ANKRD44: variants seen among roughly 807,000 people sequenced by gnomAD.
The protein encoded by ANKRD44 is serine/threonine-protein phosphatase 6 regulatory ankyrin repeat subunit B.
A neutral mutation model predicts 116.0 loss-of-function variants in ANKRD44; 35 were observed. That is an observed-to-expected ratio of 0.30 (90% CI 0.23 to 0.40). ANKRD44 has a LOEUF of 0.40. Ranked by LOEUF, ANKRD44 falls within the 10% of genes least tolerant of loss-of-function variation. The pLI, the probability that ANKRD44 is intolerant of heterozygous loss-of-function variation, is 1.00. For synonymous variants in ANKRD44, 435 were observed against 461.8 expected (o/e 0.94, Z 0.74); for missense variants, 1,014 against 1,242.6 (o/e 0.82, Z 2.77).
intron 23 of ANKRD44, among the ~76,000 whole-genome samples, chr2:196,999,459 T>C (rs1033537001): frequency 6.6e-6 from 1 of 152,208 alleles, no homozygotes; most frequent in Non-Finnish European, 1.5e-5. Flanking sequence ...TTTTAGAGGA[T>C]AATTTGGCAT....
At chr2:197,132,037 A>G (rs2079109217) in intron 4 of ANKRD44, among the ~76,000 whole-genome samples, 1 of 152,252 alleles carries the variant, frequency 6.6e-6, no homozygotes, top group South Asian at 2.1e-4. Context: ...AGCTGGCACT[A>G]TAAAAGATGT....
intron 3 of ANKRD44, among the ~76,000 whole-genome samples, chr2:197,138,297 G>C (rs2079268563): frequency 6.6e-6 from 1 of 152,134 alleles, no homozygotes; most frequent in Admixed American, 6.5e-5. Flanking sequence ...CATGATCTTT[G>C]CCCTACAAAG....
intron 1 of ANKRD44, among the ~76,000 whole-genome samples, chr2:197,246,855 C>T (rs540737202): frequency 1.3e-5 from 2 of 152,220 alleles, no homozygotes; most frequent in African/African-American, 4.8e-5. Context: ...GGCAACTTAT[C>T]CAAGATGACA....
chr2:197,004,528 G>A (rs1436757823), intron 21 of ANKRD44, among the ~76,000 whole-genome samples: 1 of 152,118 alleles, frequency 6.6e-6, no homozygotes, highest in Non-Finnish European at 1.5e-5. Context: ...CAAATAGCCA[G>A]GGTACTATTA....
rs144886365 is a variant in ANKRD44 at position 197,187,336 on chromosome 2, CTGAACTA to C, written c.28-237_28-231del. Among the ~76,000 whole-genome samples the C allele has an allele frequency of 1.4e-4, 21 of 152,264 alleles. No homozygotes were observed. In the East Asian group the frequency reaches 4.1e-3, roughly 29 times the overall value. ...AAAGCCAGGCCAGATAGTCTCTAACCTGAACTATGAACTACAGTGAATGTACCATGAA... is the reference window on the plus strand; with the variant it reads ...AAAGCCAGGCCAGATAGTCTCTAACCTGAACTACAGTGAATGTACCATGAA... On this transcript the variant is annotated intron_variant, in intron 1 of 27. Coordinates refer to ENST00000282272, the MANE Select transcript of ANKRD44 (RefSeq NM_001195144.2).
At chr2:197,077,799 C>G (rs544667936) in intron 16 of ANKRD44, 16 of 152,220 alleles carry the variant, frequency 1.1e-4, no homozygotes, top group African/African-American at 3.4e-4. Context: ...CAATTAACAC[C>G]TCCTCCTAAC....
At chr2:197,078,125 A>G (rs571471249) in intron 16 of ANKRD44, 17 of 156,024 alleles carry the variant, frequency 1.1e-4, no homozygotes, top group African/African-American at 4.1e-4. Flanking sequence ...CATTATTAAG[A>G]CTATAATAAC....
intron 16 of ANKRD44, among the ~76,000 whole-genome samples, chr2:197,026,705 C>T (rs1417609525): frequency 6.6e-6 from 1 of 152,108 alleles, no homozygotes; most frequent in Non-Finnish European, 1.5e-5. Flanking sequence ...AGAGGAGTTA[C>T]ATGATCTGTT....
In ANKRD44 at chr2:197,036,609, C is replaced by T. The variant is rs566052470; in HGVS notation, c.1651-11342G>A. Among the ~76,000 whole-genome samples, 43 of 152,216 alleles carry T rather than the reference C, an allele frequency of 2.8e-4. No individual in the cohort carries two copies. In the South Asian group the frequency reaches 6.4e-3, roughly 23 times the overall value. On this transcript the variant is annotated intron_variant, in intron 16 of 27. Coordinates refer to ENST00000282272, the MANE Select transcript of ANKRD44 (RefSeq NM_001195144.2). ...TGAAAGCTTAGCTACATTAAGTTTC[C>T]GTTTCTTCTTGGGAGCAGATTTTGA...
intron 2 of ANKRD44, among the ~76,000 whole-genome samples, chr2:197,161,777 T>C (rs139638237): frequency 3.9e-5 from 6 of 152,336 alleles, no homozygotes; most frequent in Admixed American, 6.5e-5. Context: ...ATTTTTTCCA[T>C]TGAATTATAA....
chr2:197,248,544 ATATATG>A (rs1172131659), intron 1 of ANKRD44, among the ~76,000 whole-genome samples: 2 of 126,874 alleles, frequency 1.6e-5, no homozygotes, highest in African/African-American at 6.0e-5. Flanking sequence ...TATATTATAC[ATATATG>A]TATATGTGTG....
At chr2:197,072,328 C>T (rs2077578812) in intron 16 of ANKRD44, among the ~76,000 whole-genome samples, 1 of 148,870 alleles carries the variant, frequency 6.7e-6, no homozygotes, top group South Asian at 2.1e-4. Flanking sequence ...AATGTGTGCA[C>T]ATATGTGTAT....
chr2:197,269,907 TG>T (rs1188347839), intron 1 of ANKRD44, among the ~76,000 whole-genome samples: 8 of 151,836 alleles, frequency 5.3e-5, no homozygotes, highest in Admixed American at 1.3e-4. Flanking sequence ...CAAAGGGAGG[TG>T]CAAAGGGCAG....
At chr2:197,302,940 T>A (rs541924874) in intron 1 of ANKRD44, among the ~76,000 whole-genome samples, 1 of 152,198 alleles carries the variant, frequency 6.6e-6, no homozygotes, top group Non-Finnish European at 1.5e-5. Context: ...AAGGCTAAGG[T>A]GGGCCCCAGC....
chr2:196,971,381 G>C (rs757726871), intron 21 of ANKRD44, among the ~76,000 whole-genome samples: 39 of 151,854 alleles, frequency 2.6e-4, no homozygotes, highest in Non-Finnish European at 5.4e-4. Flanking sequence ...TGTTTGAGAC[G>C]AGTCTCAGTC....
chr2:197,121,334 G>C lies in ANKRD44; in HGVS notation c.904C>G (p.Gln302Glu). The change falls in exon 8 of 28, where the codon CAG becomes GAG. Residue 302 changes from glutamine to glutamate, a missense_variant and splice_region_variant. Gln to Glu is a conservative substitution (Grantham distance 29). Coordinates refer to ENST00000282272, the MANE Select transcript of ANKRD44 (RefSeq NM_001195144.2). ...CACAGAGACTAAGAGTGTCATACCT[G>C]AATGTTAACATCTGCCCCGTTGTTT... ...LVNNGADVNI[Q>E]SKDGKSPLHM... is the part of the protein sequence containing the mutation. The C allele has an allele frequency of 6.2e-7, 1 of 1,613,728 alleles. No homozygotes were observed. Among genetic ancestry groups the C allele is most frequent in the African/African-American group, 1.3e-5 (1 of 75,012 alleles).
chr2:197,020,886 T>C (rs966424368), intron 17 of ANKRD44, among the ~76,000 whole-genome samples: 1 of 150,352 alleles, frequency 6.7e-6, no homozygotes, highest in African/African-American at 2.5e-5. Context: ...GCCATGTTGG[T>C]GTGCTGCACC....
At chr2:197,219,225 A>C (rs762416321) in intron 1 of ANKRD44, among the ~76,000 whole-genome samples, 2 of 151,830 alleles carry the variant, frequency 1.3e-5, no homozygotes, top group Non-Finnish European at 2.9e-5. Context: ...ATATGCCACC[A>C]CATCCCGCTA....
intron 16 of ANKRD44, among the ~76,000 whole-genome samples, chr2:197,057,453 T>A (rs750363988): frequency 4.6e-5 from 7 of 152,218 alleles, no homozygotes; most frequent in Non-Finnish European, 8.8e-5. Context: ...TGCTTCTACC[T>A]TGGGGAATAT....
Sources: allele counts gnomAD v4.1 joint callset (sites outside exome capture counted in the v4.1 genomes callset), GRCh38; gene constraint gnomAD v4.1.1; transcripts MANE v1.5; gene names NCBI Gene and HGNC (gene_info 2026-07-23, HGNC 2026-07-21).